Variants in SINHCAF observed in about 807,000 individuals in gnomAD.
SINHCAF encodes SIN3-HDAC complex-associated factor.
SINHCAF carries 3 observed loss-of-function variants against 25.8 expected under a neutral mutation model. The observed-to-expected ratio is 0.12, with a 90% CI of 0.05 to 0.30. SINHCAF has a LOEUF of 0.30. SINHCAF is among the 10% of genes least tolerant of loss of function. The pLI is 1.00. For missense variants in SINHCAF, 121 were observed against 262.3 expected (o/e 0.46, Z 3.72); for synonymous variants, 70 against 85.5 (o/e 0.82, Z 1.00).
chr12:31,304,119 C>CAAAAAAAAAA (rs761861557), intron 1 of SINHCAF: 8 of 125,958 alleles, frequency 6.4e-5, no homozygotes, highest in African/African-American at 2.2e-4. Context: ...GACTCTCCCT[C>CAAAAAAAAAA]AAAAAAAAAA....
rs372438568 is a variant in SINHCAF at position 31,299,538 on chromosome 12, G to T, written c.-20-1314C>A. Among the ~76,000 whole-genome samples, 48 of 152,118 alleles carry T rather than the reference G, an allele frequency of 3.2e-4. No individual in the cohort carries two copies. In the South Asian group the frequency reaches 5.0e-3, roughly 16 times the overall value. ...TCAGCATGTTAGCCAGGATGGTCTC[G>T]ATCTCCTGACCTTGTGATCCACCCG... On this transcript the variant is annotated intron_variant, in intron 1 of 5. Transcript: ENST00000337682.
At chr12:31,312,147 TAA>T in intron 1 of SINHCAF, 1 of 409,162 alleles carries the variant, frequency 2.4e-6, no homozygotes, top group Non-Finnish European at 4.7e-6. Context: ...TTTTTAAACT[TAA>T]TTGGAACTAT....
At chr12:31,293,679 C>T (rs189926894) in intron 4 of SINHCAF, 126 bp downstream of exon 4, 12 of 717,040 alleles carry the variant, frequency 1.7e-5, no homozygotes, top group Admixed American at 7.0e-5. Context: ...ACCAAGTCAA[C>T]GTTGCCTTCC....
rs146761383 is a variant in SINHCAF at position 31,284,124 on chromosome 12, G to A, written c.507-1253C>T. Among the ~76,000 whole-genome samples the A allele has an allele frequency of 2.0e-3, 298 of 152,138 alleles. 1 individual carries two copies. The highest frequency in any genetic ancestry group is 3.4e-3 in the Middle Eastern group (1 of 294). On this transcript the variant is annotated intron_variant, in intron 5 of 5. Transcript: ENST00000337682. ...AACGTCTTCAACTTTACTCAAAAAC[G>A]GCCATTTATCTACATGGTTATAACT...
chr12:31,304,937 A>T (rs1938959657), intron 1 of SINHCAF: 1 of 152,266 alleles, frequency 6.6e-6, no homozygotes, highest in Non-Finnish European at 1.5e-5. Flanking sequence ...AATAGTCCCC[A>T]AAGTAAATAT....
At position 31,293,923 on chromosome 12, in the gene SINHCAF, A is replaced by G. The variant is rs751085538; in HGVS notation, c.237T>C (p.Asp79=). The part of the protein sequence containing the change: ...GSKKNWNHVV[D]ARAGPSLKTT... Reference sequence around the variant, plus strand: ...TCTTTAGACTGGGTCCAGCCCTTGCATCTACCACCTGGAAGAAAATACTGA... The same window carrying G: ...TCTTTAGACTGGGTCCAGCCCTTGCGTCTACCACCTGGAAGAAAATACTGA... The change falls in exon 4 of 6, where the codon GAT becomes GAC. Residue 79 remains aspartate, a synonymous_variant. Transcript: ENST00000337682. 1.3e-6 allele frequency: 2 copies of G among 1,593,198 alleles called. No homozygotes were observed. The highest frequency in any genetic ancestry group is 1.7e-6 in the Non-Finnish European group (2 of 1,174,072).
chr12:31,299,509 G>C (rs1183246901), intron 1 of SINHCAF, among the ~76,000 whole-genome samples: 1 of 151,980 alleles, frequency 6.6e-6, no homozygotes, highest in Non-Finnish European at 1.5e-5. Context: ...GTAGAGACAG[G>C]GTTTCAGCAT....
chr12:31,318,893 T>C (rs957353017), intron 1 of SINHCAF, among the ~76,000 whole-genome samples: 1 of 152,230 alleles, frequency 6.6e-6, no homozygotes, highest in Non-Finnish European at 1.5e-5. Context: ...TTCTGTAACA[T>C]TGGGAAATTC....
At chr12:31,304,709 A>G (rs1435605374) in intron 1 of SINHCAF, 1 of 152,206 alleles carries the variant, frequency 6.6e-6, no homozygotes, top group African/African-American at 2.4e-5. Flanking sequence ...AGTAGCATGT[A>G]ATGATCTTGA....
chr12:31,324,494 C>T lies in SINHCAF; in HGVS notation c.-21+1530G>A, dbSNP rs1425521265. The T allele has an allele frequency of 1.2e-5, 2 of 166,148 alleles. No individual in the cohort carries two copies. The highest frequency in any genetic ancestry group is 3.8e-4 in the East Asian group (2 of 5,330). 10.3% of individuals were successfully genotyped at this position (166,148 alleles called of 1,614,324 possible). ...CGCCTCCCTACGCACCAGCATGGCA[C>T]CTCGCACAAGTAGCGCCGCCAAAGT... On this transcript the variant is annotated intron_variant, in intron 1 of 5. Coordinates refer to ENST00000337682, the MANE Select transcript of SINHCAF (RefSeq NM_001135812.2). The surrounding 1 kb of genome is among the most constrained non-coding windows in gnomAD (Gnocchi z 5.5).
chr12:31,318,093 AT>A (rs1031150987), intron 1 of SINHCAF, among the ~76,000 whole-genome samples: 8 of 152,220 alleles, frequency 5.3e-5, no homozygotes, highest in African/African-American at 1.9e-4. Context: ...CATTAATCAC[AT>A]TTAAGTACAG....
chr12:31,310,069 T>C (rs952801823), intron 1 of SINHCAF, among the ~76,000 whole-genome samples: 1 of 152,100 alleles, frequency 6.6e-6, no homozygotes, highest in Non-Finnish European at 1.5e-5. Context: ...AGATGAGCAT[T>C]ATGGATGTCG....
At chr12:31,297,455 C>T (rs1050707662) in intron 2 of SINHCAF, among the ~76,000 whole-genome samples, 3 of 150,106 alleles carry the variant, frequency 2.0e-5, no homozygotes, top group Non-Finnish European at 3.0e-5. Flanking sequence ...CCACTGCACC[C>T]GGTCAAGCGT....
rs12815694 is a variant in SINHCAF, at chr12:31,281,211, A to G, written c.*1501T>C. 6.6e-6 allele frequency: 1 copy of G among 152,200 alleles called. No individual in the cohort carries two copies. Among genetic ancestry groups the G allele is most frequent in the Non-Finnish European group, 1.5e-5 (1 of 68,028 alleles). 9.4% of individuals were successfully genotyped at this position (152,200 alleles called of 1,614,324 possible). ...TGCTTTTCCTGAACATTTAGAAAAG[A>G]GGCAGTAAGAGTACTCTGGTTTGGG... On this transcript the variant is annotated 3_prime_UTR_variant, in exon 6 of 6. Transcript: ENST00000337682.
intron 1 of SINHCAF, among the ~76,000 whole-genome samples, chr12:31,322,515 T>C (rs1939737683): frequency 6.6e-6 from 1 of 152,202 alleles, no homozygotes; most frequent in Admixed American, 6.5e-5. Flanking sequence ...CTTTTGGTAT[T>C]GTAATTTGGT....
At chr12:31,310,198 A>G (rs977820921) in intron 1 of SINHCAF, among the ~76,000 whole-genome samples, 7 of 152,156 alleles carry the variant, frequency 4.6e-5, no homozygotes, top group Non-Finnish European at 7.4e-5. Context: ...ATGAACCACT[A>G]AAGCAAAGAT....
intron 1 of SINHCAF, chr12:31,304,807 T>C (rs1463807701): frequency 6.6e-6 from 1 of 152,136 alleles, no homozygotes; most frequent in East Asian, 1.9e-4. Flanking sequence ...TAATGAACTA[T>C]TTTTCCATCC....
intron 1 of SINHCAF, among the ~76,000 whole-genome samples, chr12:31,310,284 T>C (rs1317880235): frequency 6.6e-6 from 1 of 151,778 alleles, no homozygotes; most frequent in Non-Finnish European, 1.5e-5. Flanking sequence ...AGAAATGGGG[T>C]TTTCAAGTAA....
intron 1 of SINHCAF, among the ~76,000 whole-genome samples, chr12:31,315,978 C>T (rs564023602): frequency 1.3e-5 from 2 of 152,178 alleles, no homozygotes; most frequent in Non-Finnish European, 2.9e-5. Context: ...CCAGCCTGAC[C>T]AACATGACGC....
Sources: gnomAD v4.1 joint callset for allele counts (sites outside exome capture counted in the v4.1 genomes callset) on GRCh38, gnomAD v4.1.1 for gene constraint, Gnocchi (gnomAD v3.1) non-coding constraint, MANE v1.5 for transcripts, NCBI Gene and HGNC (gene_info 2026-07-23, HGNC 2026-07-21) for gene names.